The following ITPR2 variants were observed in gnomAD, a reference collection of about 807,000 sequenced individuals.
The protein encoded by ITPR2 is inositol 1,4,5-trisphosphate-gated calcium channel ITPR2.
Under a neutral mutation model 317.1 loss-of-function variants are expected in ITPR2, and 207 were observed. That is an observed-to-expected ratio of 0.65 (90% CI 0.58 to 0.73). The LOEUF (loss-of-function observed/expected upper bound fraction) is 0.73, where lower values mean the gene tolerates loss of function less well. Among genes scored for constraint, ITPR2 ranks in the 30% least tolerant of loss-of-function variants. The probability of loss-of-function intolerance (pLI) is 0.00; values close to 1 mark genes in which losing one functional copy is unlikely to be tolerated. For synonymous variants in ITPR2, 1,156 were observed against 1,149.1 expected (o/e 1.01, Z -0.12); for missense variants, 2,613 against 3,284.0 (o/e 0.80, Z 4.99).
intron 35 of ITPR2, among the ~76,000 whole-genome samples, chr12:26,556,603 TATAAG>T (rs1181644309): frequency 6.6e-6 from 1 of 151,224 alleles, no homozygotes; most frequent in Non-Finnish European, 1.5e-5. Flanking sequence ...TGTTTTTGTT[TATAAG>T]ATAAGGGACG....
intron 1 of ITPR2, among the ~76,000 whole-genome samples, chr12:26,797,215 T>C (rs977227409): frequency 1.1e-4 from 17 of 152,292 alleles, no homozygotes; most frequent in Middle Eastern, 6.8e-3. Flanking sequence ...TATAGATGCA[T>C]ATATAGGCTA....
At chr12:26,685,682 C>A (rs1245022332) in intron 11 of ITPR2, among the ~76,000 whole-genome samples, 1 of 152,170 alleles carries the variant, frequency 6.6e-6, no homozygotes, top group East Asian at 1.9e-4. Context: ...TAAGTTCTGG[C>A]AATCTCATTT....
At chr12:26,468,337 CA>C (rs1276024948) in intron 45 of ITPR2, among the ~76,000 whole-genome samples, 1 of 151,904 alleles carries the variant, frequency 6.6e-6, no homozygotes, top group Non-Finnish European at 1.5e-5. Context: ...AGTTTACTAA[CA>C]ATATTGGCAA....
intron 34 of ITPR2, among the ~76,000 whole-genome samples, chr12:26,563,514 C>A (rs998482449): frequency 1.3e-5 from 2 of 151,776 alleles, no homozygotes; most frequent in Non-Finnish European, 2.9e-5. Context: ...AGGTTGCACA[C>A]CACTGCACTG....
chr12:26,562,323 T>G (rs909533977), intron 34 of ITPR2, among the ~76,000 whole-genome samples: 1 of 152,230 alleles, frequency 6.6e-6, no homozygotes, highest in African/African-American at 2.4e-5. Flanking sequence ...ACTCCATTCA[T>G]TAATTTAAGT....
At chr12:26,655,183 T>C (rs190200900) in intron 20 of ITPR2, among the ~76,000 whole-genome samples, 2 of 152,248 alleles carry the variant, frequency 1.3e-5, no homozygotes, top group South Asian at 2.1e-4. Flanking sequence ...TTACAAAATA[T>C]GCAAAACTGC....
chr12:26,712,691 T>C (rs1321937236), intron 8 of ITPR2, among the ~76,000 whole-genome samples: 6 of 151,944 alleles, frequency 3.9e-5, no homozygotes, highest in African/African-American at 1.5e-4. Flanking sequence ...GTGGTTTGTA[T>C]ATAAATGCTA....
intron 1 of ITPR2, among the ~76,000 whole-genome samples, chr12:26,816,577 T>TA (rs1170592315): frequency 6.6e-6 from 1 of 152,244 alleles, no homozygotes; most frequent in African/African-American, 2.4e-5. Flanking sequence ...ACATGATTAT[T>TA]AGCAAAGCCA....
At chr12:26,630,274 C>G (rs140809017) in intron 22 of ITPR2, among the ~76,000 whole-genome samples, 85 of 152,028 alleles carry the variant, frequency 5.6e-4, no homozygotes, top group Non-Finnish European at 7.4e-5. Flanking sequence ...ACTTTCATTT[C>G]TCTAATACGC....
rs1342362550 is a variant in ITPR2 at position 26,419,518 on chromosome 12, G to A, written c.6946-305C>T. ...GTAAGAGACTATGCAATCAAGACAGGTCTGGATTTAAATCTTGGCTCTTCC... is the reference window on the plus strand; with the variant it reads ...GTAAGAGACTATGCAATCAAGACAGATCTGGATTTAAATCTTGGCTCTTCC... On this transcript the variant is annotated intron_variant, in intron 49 of 56. Transcript: ENST00000381340. The A allele has an allele frequency of 7.0e-5, 14 of 200,414 alleles. 1 individual carries two copies. The highest frequency in any genetic ancestry group is 4.0e-4 in the Admixed American group (7 of 17,540). 12.4% of individuals were successfully genotyped at this position (200,414 alleles called of 1,614,324 possible). A position where few individuals can be genotyped will look rare whatever the true frequency, so the allele number is the denominator to read the frequency against.
intron 36 of ITPR2, among the ~76,000 whole-genome samples, chr12:26,551,332 G>C (rs555692620): frequency 6.6e-6 from 1 of 152,334 alleles, no homozygotes; most frequent in East Asian, 1.9e-4. Context: ...TATGAGACAG[G>C]TTCAGACTAA....
At chr12:26,352,173 C>G (rs1363862278) in intron 55 of ITPR2, among the ~76,000 whole-genome samples, 2 of 152,234 alleles carry the variant, frequency 1.3e-5, no homozygotes, top group African/African-American at 4.8e-5. Context: ...GCAGCTAGAG[C>G]TCAGTCATAT....
intron 55 of ITPR2, among the ~76,000 whole-genome samples, chr12:26,354,702 C>T (rs1938578032): frequency 6.6e-6 from 1 of 151,938 alleles, no homozygotes; most frequent in Non-Finnish European, 1.5e-5. Context: ...GAGTTTTGCT[C>T]TTGTTGCCCA....
chr12:26,819,777 G>A (rs1374024337), intron 1 of ITPR2, among the ~76,000 whole-genome samples: 3 of 151,374 alleles, frequency 2.0e-5, no homozygotes, highest in African/African-American at 7.3e-5. Context: ...AAAAAAAAAG[G>A]CCATGTAAGT....
intron 10 of ITPR2, among the ~76,000 whole-genome samples, chr12:26,690,636 T>A (rs1374074600): frequency 6.6e-6 from 1 of 152,166 alleles, no homozygotes; most frequent in Admixed American, 6.5e-5. Context: ...TTTTCTAGAC[T>A]TATAAGAAAA....
At chr12:26,766,534 A>C (rs1949723135) in intron 2 of ITPR2, among the ~76,000 whole-genome samples, 1 of 152,118 alleles carries the variant, frequency 6.6e-6, no homozygotes, top group African/African-American at 2.4e-5. Context: ...TACCAGATAA[A>C]TTATTTGGAA....
intron 21 of ITPR2, among the ~76,000 whole-genome samples, chr12:26,644,242 G>C (rs140741383): frequency 6.6e-6 from 1 of 152,118 alleles, no homozygotes; most frequent in African/African-American, 2.4e-5. Context: ...GCTGCCCCAG[G>C]TATGGCTCCA....
At chr12:26,737,542 C>T (rs769484670) in intron 2 of ITPR2, among the ~76,000 whole-genome samples, 2 of 152,134 alleles carry the variant, frequency 1.3e-5, no homozygotes, top group African/African-American at 2.4e-5. Context: ...CATAAGCCAC[C>T]GCACCTGGCC....
chr12:26,635,102 G>A (rs996608775), intron 21 of ITPR2, among the ~76,000 whole-genome samples: 1 of 152,152 alleles, frequency 6.6e-6, no homozygotes, highest in African/African-American at 2.4e-5. Context: ...TTGTTCCAGT[G>A]AGCCAAGCTC....
Sources: allele counts gnomAD v4.1 joint callset (sites outside exome capture counted in the v4.1 genomes callset), GRCh38; gene constraint gnomAD v4.1.1; transcripts MANE v1.5; gene names NCBI Gene and HGNC (gene_info 2026-07-23, HGNC 2026-07-21).